The following DOCK7 variants were observed in gnomAD, a reference collection of about 807,000 sequenced individuals.
DOCK7 encodes the protein dedicator of cytokinesis 7.
DOCK7 carries 138 observed loss-of-function variants against 271.0 expected under a neutral mutation model. The observed-to-expected ratio is 0.51, with a 90% CI of 0.44 to 0.59. The LOEUF (loss-of-function observed/expected upper bound fraction) is 0.59. Among genes scored for constraint, DOCK7 ranks in the 20% least tolerant of loss-of-function variants. The probability of loss-of-function intolerance (pLI) is 0.00; values close to 1 mark genes in which losing one functional copy is unlikely to be tolerated. For missense variants in DOCK7, 2,066 were observed against 2,592.4 expected, an observed-to-expected ratio of 0.80 and a Z score of 4.41; for synonymous variants, 823 against 876.1, an observed-to-expected ratio of 0.94 and a Z score of 1.07.
At chr1:62,468,089 G>A (rs1403310418) in intron 48 of DOCK7, among the ~76,000 whole-genome samples, 2 of 152,082 alleles carry the variant, frequency 1.3e-5, no homozygotes, top group African/African-American at 4.8e-5. Flanking sequence ...GGCCGGGCGC[G>A]GTGGCTCACG....
intron 14 of DOCK7, among the ~76,000 whole-genome samples, chr1:62,610,170 A>G (rs1376396964): frequency 6.6e-6 from 1 of 152,172 alleles, no homozygotes; most frequent in East Asian, 1.9e-4. Context: ...TATAGTTAAA[A>G]TAAACTAGGA....
In DOCK7 at chr1:62,489,068, A is replaced by G. The variant is rs373425629; in HGVS notation, c.5362-3T>C. ...TTAACTGCTTCATACATGCCAGCCT[A>G]TAAGAAAAAATTTTGTTAAGATGTT... On this transcript the variant is annotated splice_polypyrimidine_tract_variant and splice_region_variant and intron_variant, in intron 41 of 49. Transcript: ENST00000635253. 7.7e-6 allele frequency: 12 copies of G among 1,550,998 alleles called. No individual in the cohort carries two copies. The African/African-American group carries it at 8.4e-5, about 11-fold the overall frequency.
chr1:62,675,034 G>C (rs1256368453), intron 1 of DOCK7, among the ~76,000 whole-genome samples: 1 of 152,144 alleles, frequency 6.6e-6, no homozygotes, highest in Non-Finnish European at 1.5e-5. Flanking sequence ...GACAATAGTT[G>C]TAAATTATAT....
chr1:62,516,543 C>A (rs543078774), intron 31 of DOCK7, among the ~76,000 whole-genome samples: 17 of 152,168 alleles, frequency 1.1e-4, no homozygotes, highest in Non-Finnish European at 2.2e-4. Context: ...AGAATTGTTT[C>A]ATAACATTAT....
At chr1:62,661,188 C>T (rs1408381260) in intron 2 of DOCK7, among the ~76,000 whole-genome samples, 1 of 151,352 alleles carries the variant, frequency 6.6e-6, no homozygotes, top group Non-Finnish European at 1.5e-5. Flanking sequence ...AGGACAAATA[C>T]TGTATGATTC....
chr1:62,642,467 C>T (rs1046624735), intron 7 of DOCK7, among the ~76,000 whole-genome samples: 3 of 152,068 alleles, frequency 2.0e-5, no homozygotes, highest in Non-Finnish European at 4.4e-5. Context: ...ACTTATAGTT[C>T]CACTTTCAAG....
chr1:62,601,030 T>A, intron 14 of DOCK7: 4 of 1,050,344 alleles, frequency 3.8e-6, no homozygotes, highest in Non-Finnish European at 6.0e-6. Flanking sequence ...AGATTTCCCC[T>A]AATTGTATAT....
chr1:62,513,833 C>T lies in DOCK7; in HGVS notation c.4002G>A (p.Trp1334Ter). 2 of 1,613,942 alleles carry T rather than the reference C, an allele frequency of 1.2e-6. No individual in the cohort carries two copies. The highest frequency in any genetic ancestry group is 1.7e-6 in the Non-Finnish European group (2 of 1,179,970). Residue 1334 changes from tryptophan to a stop codon, truncating the protein, a stop_gained, in exon 32 of 50, where the codon TGG (tryptophan) becomes TGA (stop). Coordinates refer to ENST00000635253, the MANE Select transcript of DOCK7 (RefSeq NM_001367561.1). LOFTEE classifies it high-confidence loss of function. Reference protein sequence around the residue: ...SSRSLLICLLWVLKNADETVL... With the variant: ...SSRSLLICLL ...CTGTTTCATCTGCATTTTTGAGAAC[C>T]CAAAGTAGACAGATCAAAAGGCTTC...
rs560457784 is a variant in DOCK7, at chr1:62,670,715, C to G, written c.39-7585G>C. 2.1e-3 allele frequency among the ~76,000 whole-genome samples: 315 copies of G among 152,236 alleles called. 2 individuals are homozygous for G. The highest frequency in any genetic ancestry group is 7.2e-3 in the African/African-American group (300 of 41,542). On this transcript the variant is annotated intron_variant, in intron 1 of 49. Coordinates refer to ENST00000635253, the MANE Select transcript of DOCK7 (RefSeq NM_001367561.1). ...ATGGGGACGTGGAGAACCTTTGTAT[C>G]TAGCTCAGGGATTGTAAACGCACCA... is the stretch of plus-strand genomic sequence containing the variant.
chr1:62,549,162 G>C (rs1246874790), intron 22 of DOCK7, among the ~76,000 whole-genome samples: 1 of 151,964 alleles, frequency 6.6e-6, no homozygotes, highest in Non-Finnish European at 1.5e-5. Context: ...TAAACCAAGA[G>C]GGAAACTAAC....
intron 31 of DOCK7, among the ~76,000 whole-genome samples, chr1:62,521,761 AG>A (rs1267077535): frequency 6.6e-6 from 1 of 152,166 alleles, no homozygotes; most frequent in African/African-American, 2.4e-5. Context: ...GGATCACCTG[AG>A]GTCAGGAGTT....
chr1:62,533,651 ACTT>A (rs1421517281), intron 29 of DOCK7, among the ~76,000 whole-genome samples: 5 of 152,140 alleles, frequency 3.3e-5, no homozygotes, highest in Non-Finnish European at 7.4e-5. Flanking sequence ...GTGAAAAACT[ACTT>A]CTTTAAAATA....
chr1:62,460,736 A>C (rs934971564), intron 48 of DOCK7, among the ~76,000 whole-genome samples: 3 of 151,796 alleles, frequency 2.0e-5, no homozygotes, highest in Non-Finnish European at 2.9e-5. Context: ...AGCTCACTGC[A>C]GCTTTGATCT....
chr1:62,485,241 C>T (rs1203568578), intron 43 of DOCK7: 1 of 985,184 alleles, frequency 1.0e-6, no homozygotes, highest in South Asian at 4.7e-5. Context: ...AGAACTGAAA[C>T]TACCAGAGGA....
At chr1:62,530,419 T>C (rs1187987048) in intron 29 of DOCK7, among the ~76,000 whole-genome samples, 2 of 152,356 alleles carry the variant, frequency 1.3e-5, no homozygotes, top group African/African-American at 2.4e-5. Context: ...CATTAGGTTC[T>C]TCCCTTCTTT....
rs771742898 is a variant in DOCK7 at position 62,561,710 on chromosome 1, G to A, written c.2113-7C>T. The A allele has an allele frequency of 2.0e-6, 3 of 1,516,268 alleles. No individual in the cohort carries two copies. The highest frequency in any genetic ancestry group is 1.3e-5 in the South Asian group (1 of 74,890). 93.9% of individuals were successfully genotyped at this position (1,516,268 alleles called of 1,614,324 possible). A position where few individuals can be genotyped will look rare whatever the true frequency, so the allele number is the denominator to read the frequency against. On this transcript the variant is annotated splice_polypyrimidine_tract_variant and splice_region_variant and intron_variant, in intron 18 of 49. Transcript: ENST00000635253. ...TCATGCCAGGTAGAGGAACCTGTAA[G>A]ATATTAAATATAATGATCACAGATG...
intron 48 of DOCK7, among the ~76,000 whole-genome samples, chr1:62,463,039 C>T (rs1383415434): frequency 1.4e-5 from 2 of 145,594 alleles, no homozygotes; most frequent in African/African-American, 5.1e-5. Flanking sequence ...AATGAGAAGT[C>T]TCAAATTCAG....
intron 31 of DOCK7, among the ~76,000 whole-genome samples, chr1:62,521,019 A>G (rs1186466454): frequency 6.6e-6 from 1 of 151,496 alleles, no homozygotes; most frequent in Non-Finnish European, 1.5e-5. Flanking sequence ...ACCAAACACC[A>G]CATGTTCTCA....
At chr1:62,541,746 A>G (rs1386554720) in intron 25 of DOCK7, among the ~76,000 whole-genome samples, 1 of 152,162 alleles carries the variant, frequency 6.6e-6, no homozygotes, top group Non-Finnish European at 1.5e-5. Flanking sequence ...GCAGATTTTG[A>G]CTGTGTGGGG....
Sources: allele counts gnomAD v4.1 joint callset (sites outside exome capture counted in the v4.1 genomes callset), GRCh38; gene constraint gnomAD v4.1.1; transcripts MANE v1.5; gene names NCBI Gene and HGNC (gene_info 2026-07-23, HGNC 2026-07-21).